Variants in GKAP1 observed in about 807,000 individuals in gnomAD.
GKAP1 encodes the protein G kinase anchoring protein 1.
In GKAP1, 31 loss-of-function variants were observed where a neutral mutation model predicts 56.7. That is an observed-to-expected ratio of 0.55 (90% confidence interval 0.41 to 0.74). The LOEUF is 0.74. Among genes scored for constraint, GKAP1 ranks in the 30% least tolerant of loss-of-function variants. The pLI is 0.00. For missense variants in GKAP1, 364 were observed against 402.3 expected, an observed-to-expected ratio of 0.90 and a Z score of 0.82; for synonymous variants, 151 against 138.6, an observed-to-expected ratio of 1.09 and a Z score of -0.63.
At chr9:83,809,705 C>T (rs1487898443) in intron 2 of GKAP1, among the ~76,000 whole-genome samples, 1 of 152,240 alleles carries the variant, frequency 6.6e-6, no homozygotes, top group Non-Finnish European at 1.5e-5. Flanking sequence ...TGCAAGGTGA[C>T]TGCTCAAACA....
chr9:83,804,495 C>T (rs1332644112), intron 3 of GKAP1, among the ~76,000 whole-genome samples: 9 of 106,298 alleles, frequency 8.5e-5, no homozygotes, highest in South Asian at 3.5e-4. Context: ...CCCCTCTGCT[C>T]GGCCAGCCGC....
At position 83,767,587 on chromosome 9, in the gene GKAP1, C is replaced by T. The variant is rs7856395; in HGVS notation, c.738+1231G>A. On this transcript the variant is annotated intron_variant, in intron 8 of 12. Transcript: ENST00000376371. ...ATGTTGGCCAGGCTGGTCTCGAACT[C>T]CTGACCTCAAGTGATTCGCCAGCCT... 6.9e-3 allele frequency among the ~76,000 whole-genome samples: 1,047 copies of T among 152,288 alleles called. 16 individuals are homozygous for T. Among genetic ancestry groups the T allele is most frequent in the African/African-American group, 0.024 (1,002 of 41,556 alleles).
chr9:83,793,733 T>A (rs1222829924), intron 4 of GKAP1, among the ~76,000 whole-genome samples: 1 of 152,218 alleles, frequency 6.6e-6, no homozygotes, highest in Non-Finnish European at 1.5e-5. Context: ...ATATAGAATA[T>A]AAACGTGTAT....
At chr9:83,774,701 CCTTTTTTTTTTTTTT>C (rs1943824745) in intron 7 of GKAP1, among the ~76,000 whole-genome samples, 1 of 100,942 alleles carries the variant, frequency 9.9e-6, no homozygotes, top group East Asian at 3.2e-4. Flanking sequence ...ACAGAAACCC[CCTTTTTTTTTTTTTT>C]TTTTTTTTTT....
At chr9:83,748,417 A>T in intron 9 of GKAP1, 45 bp from the exon 10 acceptor site, 1 of 1,086,508 alleles carries the variant, frequency 9.2e-7, no homozygotes, top group Non-Finnish European at 1.4e-6. Flanking sequence ...AAAGTAAGTG[A>T]TATAATTAAT....
At chr9:83,806,161 A>G in intron 3 of GKAP1, 141 bp downstream of exon 3, 1 of 622,600 alleles carries the variant, frequency 1.6e-6, no homozygotes, top group Non-Finnish European at 2.8e-6. Context: ...ATATACACAA[A>G]TTCACATCCA....
At chr9:83,790,580 T>A (rs1290650563) in intron 4 of GKAP1, among the ~76,000 whole-genome samples, 1 of 151,830 alleles carries the variant, frequency 6.6e-6, no homozygotes, top group East Asian at 1.9e-4. Flanking sequence ...GTCAGGAGTT[T>A]GAGACCAGCC....
At chr9:83,759,260 A>ACTCC (rs1943529863) in intron 8 of GKAP1, among the ~76,000 whole-genome samples, 4 of 151,834 alleles carry the variant, frequency 2.6e-5, no homozygotes, top group African/African-American at 7.3e-5. Context: ...TTCTATTTTT[A>ACTCC]ATTTTTATTT....
chr9:83,761,990 T>C (rs1331027586), intron 8 of GKAP1, among the ~76,000 whole-genome samples: 1 of 152,084 alleles, frequency 6.6e-6, no homozygotes, highest in Non-Finnish European at 1.5e-5. Flanking sequence ...CTCTAAGATC[T>C]GGAACAAGAC....
intron 8 of GKAP1, among the ~76,000 whole-genome samples, chr9:83,763,996 T>TA (rs1050137172): frequency 6.6e-6 from 1 of 152,158 alleles, no homozygotes. Flanking sequence ...TTGAGGAACC[T>TA]AAGTATGTCC....
At chr9:83,771,103 C>G (rs1284772185) in intron 7 of GKAP1, among the ~76,000 whole-genome samples, 1 of 152,040 alleles carries the variant, frequency 6.6e-6, no homozygotes, top group Non-Finnish European at 1.5e-5. Flanking sequence ...TCACTCTCAC[C>G]CAGGCTGGAG....
chr9:83,798,688 G>GTT (rs564342943), intron 4 of GKAP1, among the ~76,000 whole-genome samples: 1 of 151,620 alleles, frequency 6.6e-6, no homozygotes, highest in Non-Finnish European at 1.5e-5. Context: ...TAATTTTTCT[G>GTT]TTTTTTTTGT....
At chr9:83,805,436 C>G (rs11140256) in intron 3 of GKAP1, among the ~76,000 whole-genome samples, 2 of 150,520 alleles carry the variant, frequency 1.3e-5, no homozygotes, top group African/African-American at 2.5e-5. Context: ...AAATCCCCCT[C>G]TGCGAGAAAC....
rs545707897 is a variant in GKAP1, at chr9:83,800,605, G to T, written c.217-1277C>A. Among the ~76,000 whole-genome samples, 4 of 152,160 alleles carry T rather than the reference G, an allele frequency of 2.6e-5. No individual in the cohort carries two copies. In the South Asian group the frequency reaches 8.3e-4, roughly 32 times the overall value. ...CCACCTCAGCCTCCCAAAAGTGTTG[G>T]GATTACAGGCGTGAGCCACCGCGCC... On this transcript the variant is annotated intron_variant, in intron 3 of 12. Transcript: ENST00000376371.
At chr9:83,817,420 G>A (rs1265477623) in intron 1 of GKAP1, 97 bp downstream of exon 1, 2 of 149,364 alleles carry the variant, frequency 1.3e-5, no homozygotes, top group Non-Finnish European at 3.0e-5. Context: ...CGCCACCCGA[G>A]GCCGGGGCGC....
intron 12 of GKAP1, among the ~76,000 whole-genome samples, chr9:83,740,391 TTC>T (rs1427091112): frequency 2.0e-5 from 3 of 151,796 alleles, no homozygotes; most frequent in African/African-American, 4.9e-5. Context: ...ACATAACATT[TTC>T]TGTTTTATTC....
At chr9:83,767,888 T>C (rs1943690881) in intron 8 of GKAP1, among the ~76,000 whole-genome samples, 1 of 152,152 alleles carries the variant, frequency 6.6e-6, no homozygotes, top group Non-Finnish European at 1.5e-5. Flanking sequence ...GGTTTTGCCA[T>C]GTTGGCCAGG....
rs112984735 is a variant in GKAP1, at chr9:83,752,887, A to G, written c.840+371T>C. The stretch of plus-strand genomic sequence containing the variant: ...GGAGTTCGTGACCAGCCTGGCCAAC[A>G]TGGTGAAACTCTGTCTCTACTAAAA... On this transcript the variant is annotated intron_variant, in intron 9 of 12. Transcript: ENST00000376371. Among the ~76,000 whole-genome samples, 1,221 of 152,162 alleles carry G rather than the reference A, an allele frequency of 8.0e-3. 31 individuals carry two copies. Among genetic ancestry groups the G allele is most frequent in the East Asian group, 0.036 (188 of 5,168 alleles).
chr9:83,809,456 G>A (rs1392539567), intron 2 of GKAP1, among the ~76,000 whole-genome samples: 3 of 152,204 alleles, frequency 2.0e-5, no homozygotes, highest in African/African-American at 4.8e-5. Context: ...TACCTCATCA[G>A]ACAACTGCAG....
Sources: gnomAD v4.1 joint callset for allele counts (sites outside exome capture counted in the v4.1 genomes callset) on GRCh38, gnomAD v4.1.1 for gene constraint, MANE v1.5 for transcripts, NCBI Gene and HGNC (gene_info 2026-07-23, HGNC 2026-07-21) for gene names.